VPS53: variants seen among roughly 807,000 people sequenced by gnomAD.
The protein encoded by VPS53 is VPS53 subunit of GARP complex.
Under a neutral mutation model 107.0 loss-of-function variants are expected in VPS53, and 70 were observed. The observed-to-expected ratio is 0.65, with a 90% CI of 0.54 to 0.80. VPS53 has a LOEUF of 0.80. Among genes scored for constraint, VPS53 ranks in the 30% least tolerant of loss-of-function variants. The pLI is 0.00. For synonymous variants in VPS53, 409 were observed against 393.3 expected, an observed-to-expected ratio of 1.04 and a Z score of -0.47; for missense variants, 917 against 1,049.4, an observed-to-expected ratio of 0.87 and a Z score of 1.74.
chr17:571,544 CCCACGGTCTCCCTCTCCCTCTCTTT>C (rs1241817829), intron 13 of VPS53, among the ~76,000 whole-genome samples: 1,492 of 131,920 alleles, frequency 0.011, 22 homozygotes, highest in African/African-American at 0.035. Flanking sequence ...TCTCCCTCTC[CCCACGGTCTCCCTCTCCCTCTCTTT>C]CCACGGTCTC....
intron 16 of VPS53, chr17:552,652 G>A (rs185687433): frequency 1.9e-3 from 299 of 157,664 alleles, no homozygotes; most frequent in African/African-American, 6.9e-3. Flanking sequence ...GTTTAGGTGG[G>A]GGCAGATCAG....
At chr17:618,455 T>C (rs12940164) in intron 11 of VPS53, among the ~76,000 whole-genome samples, 1,024 of 66,478 alleles carry the variant, frequency 0.015, 9 homozygotes, top group Admixed American at 0.027. Flanking sequence ...CGTGCGCCAC[T>C]ACGCCCCACT....
chr17:578,044 G>A (rs976323099), intron 13 of VPS53, among the ~76,000 whole-genome samples: 10 of 148,954 alleles, frequency 6.7e-5, no homozygotes, highest in East Asian at 6.1e-4. Context: ...ACCTCAATGC[G>A]TTTTCAGAGA....
At chr17:712,511 C>A (rs1223896801) in intron 1 of VPS53, among the ~76,000 whole-genome samples, 1 of 152,026 alleles carries the variant, frequency 6.6e-6, no homozygotes, top group Admixed American at 6.6e-5. Flanking sequence ...TCTGGGACTT[C>A]ATCTTGGAGT....
rs889831459 is a variant in VPS53, at chr17:524,540, C to T, written c.2086-2802G>A. ...TCAACAGGAAAAGCACAAACTATCC[C>T]AACAGCGACACAACAACAGGCAAAC... On this transcript the variant is annotated intron_variant, in intron 19 of 21. Transcript: ENST00000437048. This position sits in a 1 kb window ranked among gnomAD's most constrained non-coding sequence, Gnocchi z 4.5. Among the ~76,000 whole-genome samples, 5 of 152,200 alleles carry T rather than the reference C, an allele frequency of 3.3e-5. No homozygotes were observed. Among genetic ancestry groups the T allele is most frequent in the African/African-American group, 7.2e-5 (3 of 41,456 alleles).
chr17:643,943 C>A (rs954851456), intron 7 of VPS53, among the ~76,000 whole-genome samples: 5 of 152,198 alleles, frequency 3.3e-5, no homozygotes, highest in Non-Finnish European at 2.9e-5. Context: ...TTCACTCCAT[C>A]ATGAGACCTG....
At position 519,086 on chromosome 17, in the gene VPS53, G is replaced by A. The variant is rs1908520268; in HGVS notation, c.*42C>T. ...GGTTGGGGGCTTCTGGGGAACGGGCGCTGAGGGTCTCCAGCCAGGAGCAAA... is the reference window on the plus strand; with the variant it reads ...GGTTGGGGGCTTCTGGGGAACGGGCACTGAGGGTCTCCAGCCAGGAGCAAA... On this transcript the variant is annotated 3_prime_UTR_variant, in exon 22 of 22. Coordinates refer to ENST00000437048, the MANE Select transcript of VPS53 (RefSeq NM_001128159.3). The surrounding 1 kb of genome is among the most constrained non-coding windows in gnomAD (Gnocchi z 5.0). 7 of 1,463,946 alleles carry A rather than the reference G, an allele frequency of 4.8e-6. No homozygotes were observed. The highest frequency in any genetic ancestry group is 1.4e-5 in the South Asian group (1 of 70,490). The allele number at this position is 1,463,946 out of a possible 1,614,324, so 90.7% of individuals were successfully genotyped here. A position where few individuals can be genotyped will look rare whatever the true frequency, so the allele number is the denominator to read the frequency against.
At chr17:638,040 T>G (rs1026438258) in intron 7 of VPS53, among the ~76,000 whole-genome samples, 1 of 152,222 alleles carries the variant, frequency 6.6e-6, no homozygotes, top group African/African-American at 2.4e-5. Context: ...ATTACTATTG[T>G]GTGGGAGTCT....
At chr17:706,062 G>A (rs143283170) in intron 2 of VPS53, 5 of 152,232 alleles carry the variant, frequency 3.3e-5, no homozygotes, top group Non-Finnish European at 2.9e-5. Flanking sequence ...CATTTAAGCC[G>A]AGTGTTATCT....
chr17:566,140 C>T (rs1054438930), intron 13 of VPS53, among the ~76,000 whole-genome samples: 6 of 145,996 alleles, frequency 4.1e-5, no homozygotes, highest in African/African-American at 1.5e-4. Flanking sequence ...GGAGGCGGAG[C>T]TTGCAGTGAG....
intron 1 of VPS53, among the ~76,000 whole-genome samples, chr17:713,876 AC>A (rs11397938): frequency 6.9e-5 from 7 of 101,840 alleles, no homozygotes; most frequent in African/African-American, 2.5e-4. Context: ...CCCCGTCTTT[AC>A]CCCAAAAAAA....
intron 2 of VPS53, among the ~76,000 whole-genome samples, chr17:708,281 G>T (rs1973495404): frequency 6.6e-6 from 1 of 152,170 alleles, no homozygotes; most frequent in Non-Finnish European, 1.5e-5. Context: ...CATCTCAAAT[G>T]ATTGACAAGG....
Position 562,617 on chromosome 17 carries a change from C to G in VPS53, c.1442G>C (p.Cys481Ser), listed in dbSNP as rs778267302. ...CADLFVYYKK[C>S]MVQCSQLSTG... ...ACTGAGCTGAGAGCATTGCACCATG[C>G]ACTTCTTGTAGTAGACAAAGAGGTC... is the stretch of plus-strand genomic sequence containing the variant. Residue 481 changes from cysteine to serine, a missense_variant, in exon 14 of 22, where the codon TGC (cysteine) becomes TCC (serine). Cys to Ser is a moderately radical substitution (Grantham distance 112, BLOSUM62 -1). Transcript: ENST00000437048. 32 of 1,613,998 alleles carry G rather than the reference C, an allele frequency of 2.0e-5. No individual in the cohort carries two copies. Among genetic ancestry groups the G allele is most frequent in the Non-Finnish European group, 2.7e-5 (32 of 1,179,998 alleles).
At chr17:558,335 C>T (rs988509247) in intron 15 of VPS53, among the ~76,000 whole-genome samples, 2 of 151,972 alleles carry the variant, frequency 1.3e-5, no homozygotes, top group Non-Finnish European at 2.9e-5. Flanking sequence ...TGTGTGGTAG[C>T]GGGTGCCTGT....
At chr17:709,013 G>A (rs1262113896) in intron 2 of VPS53, among the ~76,000 whole-genome samples, 1 of 152,078 alleles carries the variant, frequency 6.6e-6, no homozygotes, top group Admixed American at 6.6e-5. Context: ...CTAGCTGCTG[G>A]CTCTGTCTAG....
chr17:598,094 G>A (rs1968074798), intron 12 of VPS53, among the ~76,000 whole-genome samples: 2 of 152,188 alleles, frequency 1.3e-5, no homozygotes, highest in Admixed American at 1.3e-4. Flanking sequence ...GACTCAGCCT[G>A]CCGAGTGCCT....
At chr17:622,186 T>G (rs1325381610) in intron 11 of VPS53, among the ~76,000 whole-genome samples, 1 of 151,888 alleles carries the variant, frequency 6.6e-6, no homozygotes, top group East Asian at 1.9e-4. Context: ...CACTCCAGCC[T>G]GCTGACAGAG....
intron 13 of VPS53, among the ~76,000 whole-genome samples, chr17:584,182 T>A (rs1475783250): frequency 6.6e-6 from 1 of 152,184 alleles, no homozygotes; most frequent in Non-Finnish European, 1.5e-5. Flanking sequence ...CCCTTCCGAG[T>A]GCGTTCTTTA....
chr17:681,340 T>C (rs965086664), intron 4 of VPS53, among the ~76,000 whole-genome samples: 9 of 152,200 alleles, frequency 5.9e-5, no homozygotes, highest in Non-Finnish European at 1.3e-4. Flanking sequence ...TTTCACCATA[T>C]TGGTCAGGGT....
Sources: gnomAD v4.1 joint callset for allele counts (sites outside exome capture counted in the v4.1 genomes callset) on GRCh38, gnomAD v4.1.1 for gene constraint, Gnocchi (gnomAD v3.1) non-coding constraint, MANE v1.5 for transcripts, NCBI Gene and HGNC (gene_info 2026-07-23, HGNC 2026-07-21) for gene names.